The following TLR8 variants were observed in gnomAD, a reference collection of about 807,000 sequenced individuals.
TLR8 encodes toll like receptor 8.
Under a neutral mutation model 18.5 loss-of-function variants are expected in TLR8, and 5 were observed. The observed-to-expected ratio is 0.27, with a 90% CI of 0.14 to 0.57. The LOEUF is 0.57. Ranked by LOEUF, TLR8 falls within the 20% of genes least tolerant of loss-of-function variation. The pLI is 0.92. For synonymous variants in TLR8, 299 were observed against 300.1 expected (o/e 1.00, Z 0.04); for missense variants, 543 against 769.8 (o/e 0.71, Z 3.49).
chrX:12,906,927 T>G (rs982372808), intron 1 of TLR8, among the ~76,000 whole-genome samples: 1 of 112,367 alleles, frequency 8.9e-6, no homozygotes, highest in African/African-American at 3.2e-5. Flanking sequence ...AGAGAGTAAA[T>G]TTTGAAAATC....
Position 12,906,639 on chromosome X carries a change from C to T in TLR8, c.-68C>T. The T allele has an allele frequency of 1.0e-6, 1 of 993,525 alleles. No homozygotes were observed. Among genetic ancestry groups the T allele is most frequent in the Non-Finnish European group, 1.3e-6 (1 of 768,969 alleles). 81.9% of individuals were successfully genotyped at this position (993,525 alleles called of 1,213,427 possible). The stretch of plus-strand genomic sequence containing the variant: ...TTAGCCAGTTTCTCTTCTCGGCCAC[C>T]TCCTGCATAGAGGGTACCATTCTGC... On this transcript the variant is annotated 5_prime_UTR_variant, in exon 1 of 2. Transcript: ENST00000218032.
rs750358899 is a variant in TLR8, at chrX:12,919,384, A to T, written c.344A>T (p.Asn115Ile). ...CCCGGTATACAATCAAATGGCTTGA[A>T]TATCACAGACGGGGCATTCCTCAAC... ...GNPGIQSNGL[N>I]ITDGAFLNLK... The change falls in exon 2 of 2, where the codon AAT (asparagine) becomes ATT (isoleucine). Residue 115 changes from asparagine to isoleucine, a missense_variant. Around this residue, in one of 4 missense-constraint regions of TLR8, gnomAD observed 117 missense variants for 111.0 expected, o/e 1.05. Transcript: ENST00000218032. 1 of 1,211,988 alleles carries T rather than the reference A, an allele frequency of 8.3e-7. No homozygotes were observed.
At chrX:12,907,772 C>G (rs985297084) in intron 1 of TLR8, among the ~76,000 whole-genome samples, 1 of 110,805 alleles carries the variant, frequency 9.0e-6, no homozygotes, top group African/African-American at 3.3e-5. Flanking sequence ...GGTGATCCGC[C>G]TGTCTCAGCC....
Position 12,917,747 on chromosome X carries a change from T to C in TLR8, c.4-1297T>C, listed in dbSNP as rs1003213854. Among the ~76,000 whole-genome samples, 3 of 112,606 alleles carry C rather than the reference T, an allele frequency of 2.7e-5. No individual in the cohort carries two copies. In the Admixed American group the frequency reaches 2.8e-4, roughly 11 times the overall value. ...GGGTGCATAAAAATATAAAGCACCA[T>C]GTGTCTTCCCTAGAGAAGTTTCAAA... On this transcript the variant is annotated intron_variant, in intron 1 of 1. Transcript: ENST00000218032.
In TLR8 at chrX:12,921,065, G is replaced by A; in HGVS notation, c.2025G>A (p.Met675Ile). Residue 675 changes from methionine to isoleucine, a missense_variant, in exon 2 of 2, where the codon ATG becomes ATA. Around this residue, in one of 4 missense-constraint regions of TLR8, gnomAD observed 227 missense variants for 312.9 expected, o/e 0.73. Transcript: ENST00000218032. ...CTGAACTACATATAAATGATAATAT[G>A]TTAAAGTTTTTTAACTGGACATTAC... ...SLTELHINDN[M>I]LKFFNWTLLQ... The A allele has an allele frequency of 8.3e-7, 1 of 1,211,433 alleles. No homozygotes were observed. The highest frequency in any genetic ancestry group is 1.1e-6 in the Non-Finnish European group (1 of 895,399).
chrX:12,920,906 T>C lies in TLR8; in HGVS notation c.1866T>C (p.Ile622=), dbSNP rs2043089192. The change falls in exon 2 of 2, where the codon ATT becomes ATC. Residue 622 remains isoleucine (I), a synonymous_variant. Coordinates refer to ENST00000218032, the MANE Select transcript of TLR8 (RefSeq NM_138636.5). ...TTTTCAGTGGCAATCGCCTTGACAT[T>C]TTGTGGAATGATGATGACAACAGGT... The part of the protein sequence containing the change: ...ELVFSGNRLD[I]LWNDDDNRYI... 1 of 1,210,909 alleles carries C rather than the reference T, an allele frequency of 8.3e-7. No individual in the cohort carries two copies. The highest frequency in any genetic ancestry group is 2.2e-5 in the Admixed American group (1 of 45,969).
In TLR8 at chrX:12,906,700, C is replaced by G. The variant is rs371612841; in HGVS notation, c.-7C>G. On this transcript the variant is annotated 5_prime_UTR_variant, in exon 1 of 2. Transcript: ENST00000218032. ...GTTACGGAATGAAAAATTAGAACAA[C>G]AGAAACATGGTAAGCCACTTCTATT... 3.7e-5 allele frequency: 41 copies of G among 1,113,238 alleles called. No homozygotes were observed. The highest frequency in any genetic ancestry group is 4.5e-5 in the Non-Finnish European group (38 of 852,786). The allele number at this position is 1,113,238 out of a possible 1,213,427, so 91.7% of individuals were successfully genotyped here.
Position 12,922,207 on chromosome X carries a change from A to AAGGAATGAC in TLR8, c.*43_*51dup. ...GATTTCGCGCCATAATAAAGATGCA[A>AAGGAATGAC]AGGAATGACATTTCTGTATTAGTTA... On this transcript the variant is annotated 3_prime_UTR_variant, in exon 2 of 2. Transcript: ENST00000218032. 2 of 1,150,249 alleles carry AAGGAATGAC rather than the reference A, an allele frequency of 1.7e-6. No individual in the cohort carries two copies. Among genetic ancestry groups the AAGGAATGAC allele is most frequent in the African/African-American group, 3.6e-5 (2 of 55,992 alleles). 94.8% of individuals were successfully genotyped at this position (1,150,249 alleles called of 1,213,427 possible).
chrX:12,920,394 C>T lies in TLR8; in HGVS notation c.1354C>T (p.Arg452Trp), dbSNP rs1218810960. 5 of 1,207,776 alleles carry T rather than the reference C, an allele frequency of 4.1e-6. No individual in the cohort carries two copies. The highest frequency in any genetic ancestry group is 4.5e-6 in the Non-Finnish European group (4 of 894,224). ...ANSSSFQRHI[R>W]KRRSTDFEFD... ...TAGTTCCTCTTTTCAACGTCATATCCGGAAACGACGCTCAACAGATTTTGA... is the reference window on the plus strand; with the variant it reads ...TAGTTCCTCTTTTCAACGTCATATCTGGAAACGACGCTCAACAGATTTTGA... Residue 452 changes from arginine (R) to tryptophan (W), a missense_variant, in exon 2 of 2, where the codon CGG becomes TGG. Physicochemically the swap from Arg to Trp is moderately radical, Grantham distance 101 (BLOSUM62 -3). Coordinates refer to ENST00000218032, the MANE Select transcript of TLR8 (RefSeq NM_138636.5).
intron 1 of TLR8, among the ~76,000 whole-genome samples, chrX:12,912,242 T>C (rs1290265549): frequency 8.8e-6 from 1 of 113,063 alleles, no homozygotes; most frequent in Non-Finnish European, 1.9e-5. Flanking sequence ...TCTGCTGTAA[T>C]GAGGGTGACT....
At chrX:12,910,478 G>C in intron 1 of TLR8, 1 of 1,155,614 alleles carries the variant, frequency 8.7e-7, no homozygotes, top group Non-Finnish European at 1.2e-6. Flanking sequence ...ACAGCTTTAC[G>C]CCCCTCCCAG....
At chrX:12,914,368 T>A (rs1224169532) in intron 1 of TLR8, among the ~76,000 whole-genome samples, 1 of 112,027 alleles carries the variant, frequency 8.9e-6, no homozygotes, top group Non-Finnish European at 1.9e-5. Flanking sequence ...TTCATACCCA[T>A]GGCTTCAATT....
intron 1 of TLR8, among the ~76,000 whole-genome samples, chrX:12,915,424 C>T (rs775875943): frequency 8.9e-6 from 1 of 112,709 alleles, no homozygotes; most frequent in African/African-American, 3.2e-5. Flanking sequence ...CCTCAGCTTC[C>T]CAAACTGCTG....
chrX:12,920,267 C>T lies in TLR8; in HGVS notation c.1227C>T (p.Ile409=), dbSNP rs370464823. ...INLGINFIKQ[I]DFKLFQNFSN... ...TGGGTATTAATTTTATTAAGCAAAT[C>T]GATTTCAAACTTTTCCAAAATTTCT... Residue 409 remains isoleucine, a synonymous_variant, in exon 2 of 2, where the codon ATC becomes ATT. Coordinates refer to ENST00000218032, the MANE Select transcript of TLR8 (RefSeq NM_138636.5). The T allele has an allele frequency of 1.1e-4, 133 of 1,204,455 alleles. No individual in the cohort carries two copies. The highest frequency in any genetic ancestry group is 6.9e-4 in the Middle Eastern group (3 of 4,333).
intron 1 of TLR8, chrX:12,910,404 C>T: frequency 3.4e-6 from 4 of 1,167,498 alleles, no homozygotes; most frequent in Non-Finnish European, 4.6e-6. Context: ...GTCATCTTTG[C>T]AAAATAGCTC....
rs1326691885 is a variant in TLR8, at chrX:12,919,168, A to G, written c.128A>G (p.Asp43Gly). The change falls in exon 2 of 2, where the codon GAC becomes GGC. Residue 43 changes from aspartate to glycine, a missense_variant. By Grantham distance (94) the Asp-to-Gly change is moderately conservative. Around this residue, in one of 4 missense-constraint regions of TLR8, gnomAD observed 117 missense variants for 111.0 expected, o/e 1.05. Coordinates refer to ENST00000218032, the MANE Select transcript of TLR8 (RefSeq NM_138636.5). The part of the protein sequence containing the change: ...SYPCDEKKQN[D>G]SVIAECSNRR... ...CCTTGTGATGAGAAAAAGCAAAATG[A>G]CTCAGTTATTGCAGAGTGCAGCAAT... The G allele has an allele frequency of 8.3e-7, 1 of 1,211,898 alleles. No individual in the cohort carries two copies. Among genetic ancestry groups the G allele is most frequent in the Admixed American group, 2.2e-5 (1 of 46,036 alleles).
In TLR8 at chrX:12,921,197, G is replaced by T; in HGVS notation, c.2157G>T (p.Leu719=). 1 of 1,211,740 alleles carries T rather than the reference G, an allele frequency of 8.3e-7. No homozygotes were observed. The change falls in exon 2 of 2, where the codon CTG becomes CTT. Residue 719 remains leucine (L), a synonymous_variant. Coordinates refer to ENST00000218032, the MANE Select transcript of TLR8 (RefSeq NM_138636.5). ...CATCTTCCCTTCGGACACTGCTGCTGAGTCATAACAGGATTTCCCACCTAC... is the reference window on the plus strand; with the variant it reads ...CATCTTCCCTTCGGACACTGCTGCTTAGTCATAACAGGATTTCCCACCTAC... ...DFTSSLRTLL[L]SHNRISHLPS...
intron 1 of TLR8, among the ~76,000 whole-genome samples, chrX:12,909,931 C>A (rs1346906923): frequency 8.9e-6 from 1 of 112,014 alleles, no homozygotes; most frequent in East Asian, 2.8e-4. Flanking sequence ...TCCAGTAACA[C>A]AGTTTTTCAT....
At chrX:12,908,062 G>A (rs184107272) in intron 1 of TLR8, among the ~76,000 whole-genome samples, 1,533 of 110,855 alleles carry the variant, frequency 0.014, 25 homozygotes, top group African/African-American at 0.047. Context: ...GTAAATAGCC[G>A]GGGCCCGGTG....
Sources: allele counts gnomAD v4.1 joint callset (sites outside exome capture counted in the v4.1 genomes callset), GRCh38; gene constraint gnomAD v4.1.1; regional missense constraint gnomAD v4.1.1; transcripts MANE v1.5; gene names NCBI Gene and HGNC (gene_info 2026-07-23, HGNC 2026-07-21).